TCN2: variants seen among roughly 807,000 people sequenced by gnomAD.
The protein encoded by TCN2 is transcobalamin 2, also known as transcobalamin-2.
In TCN2, 34 loss-of-function variants were observed where a neutral mutation model predicts 48.6. That is an observed-to-expected ratio of 0.70 (90% confidence interval 0.53 to 0.93). The LOEUF is 0.93. Ranked by LOEUF, TCN2 falls within the 40% of genes least tolerant of loss-of-function variation. The pLI is 0.00. For synonymous variants in TCN2, 283 were observed against 212.5 expected (o/e 1.33, Z -2.89); for missense variants, 652 against 526.1 (o/e 1.24, Z -2.34).
At chr22:30,609,081 T>C (rs2087497423) in intron 1 of TCN2, among the ~76,000 whole-genome samples, 1 of 151,984 alleles carries the variant, frequency 6.6e-6, no homozygotes, top group South Asian at 2.1e-4. Context: ...TCTATATGTA[T>C]GTTGTGAAAT....
intron 7 of TCN2, among the ~76,000 whole-genome samples, chr22:30,622,645 T>A (rs2087715871): frequency 6.6e-6 from 1 of 152,232 alleles, no homozygotes; most frequent in Non-Finnish European, 1.5e-5. Flanking sequence ...CACCAGCAGC[T>A]TCTGATTCTC....
At position 30,615,348 on chromosome 22, in the gene TCN2, A is replaced by G. The variant is rs1436133751; in HGVS notation, c.628A>G (p.Asn210Asp). 3 of 1,614,154 alleles carry G rather than the reference A, an allele frequency of 1.9e-6. No homozygotes were observed. The South Asian group carries it at 3.3e-5, about 18-fold the overall frequency. Residue 210 changes from asparagine (N) to aspartate (D), a missense_variant, in exon 5 of 9, where the codon AAC (asparagine) becomes GAC (aspartate). Transcript: ENST00000215838. ...GGCATTCACCTGTCTGAAGCGCTCA[A>G]ACTTCAACCCTGGTCGGAGACAACG... ...GLAFTCLKRS[N>D]FNPGRRQRIT...
chr22:30,614,640 G>A, intron 4 of TCN2, 139 bp downstream of exon 4: 1 of 1,296,836 alleles, frequency 7.7e-7, no homozygotes, highest in Non-Finnish European at 1.1e-6. Flanking sequence ...GGACGAATTG[G>A]CGAGGGCTCA....
At position 30,612,918 on chromosome 22, in the gene TCN2, C is replaced by G. The variant is rs763148849; in HGVS notation, c.303C>G (p.Ser101=). 1.1e-5 allele frequency: 17 copies of G among 1,614,046 alleles called. No homozygotes were observed. In the South Asian group the frequency reaches 1.1e-4, roughly 10 times the overall value. ...ACGGTGACTGCCAGGGCAAGCCTTC[C>G]ATGGGCCAGCTGGCCCTCTACCTGC... is the stretch of plus-strand genomic sequence containing the variant. ...EDDGDCQGKP[S]MGQLALYLLA... Residue 101 remains serine (S), a synonymous_variant, in exon 3 of 9, where the codon TCC becomes TCG. Transcript: ENST00000215838.
chr22:30,620,842 T>C (rs2087686588), intron 7 of TCN2, among the ~76,000 whole-genome samples: 1 of 152,124 alleles, frequency 6.6e-6, no homozygotes, highest in African/African-American at 2.4e-5. Flanking sequence ...CAGAGAAAGC[T>C]CAACTGCAGA....
chr22:30,614,745 CTAAAAA>C (rs373604263), intron 4 of TCN2, among the ~76,000 whole-genome samples: 142 of 152,212 alleles, frequency 9.3e-4, no homozygotes, highest in Middle Eastern at 6.8e-3. Flanking sequence ...CCCATCTCTA[CTAAAAA>C]TAAAAAAGTT....
At chr22:30,622,548 GTC>G (rs1179932730) in intron 7 of TCN2, among the ~76,000 whole-genome samples, 2 of 152,146 alleles carry the variant, frequency 1.3e-5, no homozygotes, top group Non-Finnish European at 2.9e-5. Flanking sequence ...ACTGCCAGGT[GTC>G]TCTGCCTCCA....
chr22:30,626,590 T>C lies in TCN2; in HGVS notation c.*69T>C, dbSNP rs551706126. On this transcript the variant is annotated 3_prime_UTR_variant, in exon 9 of 9. Transcript: ENST00000215838. ...CTTCTACCCTCCCTCCTGATGTCCC[T>C]GGAACAGGAACTCGCCTGACCCTGC... 71 of 1,565,686 alleles carry C rather than the reference T, an allele frequency of 4.5e-5. 1 individual carries two copies. The South Asian group carries it at 7.5e-4, about 17-fold the overall frequency.
At chr22:30,623,365 A>G (rs1485465799) in intron 8 of TCN2, 2 of 353,418 alleles carry the variant, frequency 5.7e-6, no homozygotes, top group Admixed American at 4.3e-5. Flanking sequence ...AACGTCTTTT[A>G]TTTTGAGATG....
intron 7 of TCN2, among the ~76,000 whole-genome samples, chr22:30,621,985 AGTTT>A (rs1300002866): frequency 6.6e-6 from 1 of 151,718 alleles, no homozygotes; most frequent in Non-Finnish European, 1.5e-5. Flanking sequence ...TGGCCCACGG[AGTTT>A]GTTTTGTTTT....
At chr22:30,614,276 G>A (rs1436307534) in intron 3 of TCN2, 73 bp from the exon 4 acceptor site, 1 of 1,586,752 alleles carries the variant, frequency 6.3e-7, no homozygotes, top group Non-Finnish European at 8.6e-7. Flanking sequence ...TGCAGGCCAG[G>A]GTCCCAGGTG....
intron 8 of TCN2, among the ~76,000 whole-genome samples, chr22:30,624,325 C>T (rs929372890): frequency 2.6e-5 from 4 of 152,036 alleles, no homozygotes; most frequent in Middle Eastern, 3.4e-3. Context: ...CTGCCTGCCT[C>T]AGCCTCCCAA....
intron 8 of TCN2, among the ~76,000 whole-genome samples, chr22:30,625,677 T>G (rs989580767): frequency 1.3e-5 from 2 of 152,172 alleles, no homozygotes; most frequent in Admixed American, 6.6e-5. Context: ...TTGCATAGGC[T>G]GGTCTCGAAC....
At chr22:30,607,851 A>T (rs1409612571) in intron 1 of TCN2, among the ~76,000 whole-genome samples, 2 of 151,944 alleles carry the variant, frequency 1.3e-5, no homozygotes, top group Non-Finnish European at 1.5e-5. Flanking sequence ...ACATAGGGAG[A>T]CCCCATCTCT....
At chr22:30,617,227 G>A in intron 6 of TCN2, 103 bp from the exon 7 acceptor site, 1 of 1,504,902 alleles carries the variant, frequency 6.6e-7, no homozygotes, top group African/African-American at 1.4e-5. Context: ...ATGAGGACAT[G>A]GGGAAGGACA....
At chr22:30,619,982 C>T (rs972123778) in intron 7 of TCN2, among the ~76,000 whole-genome samples, 1 of 152,016 alleles carries the variant, frequency 6.6e-6, no homozygotes, top group Non-Finnish European at 1.5e-5. Context: ...AGTGAGACTG[C>T]CATCTCTTCA....
intron 1 of TCN2, among the ~76,000 whole-genome samples, 163 bp from the exon 2 acceptor site, chr22:30,610,708 C>T (rs2087524453): frequency 6.6e-6 from 1 of 152,232 alleles, no homozygotes; most frequent in African/African-American, 2.4e-5. Flanking sequence ...TCTCCTCCCA[C>T]TGCCTTTCAG....
At position 30,615,485 on chromosome 22, in the gene TCN2, A is replaced by G. The variant is rs747459345; in HGVS notation, c.753+12A>G. 1 of 1,613,770 alleles carries G rather than the reference A, an allele frequency of 6.2e-7. No homozygotes were observed. Among genetic ancestry groups the G allele is most frequent in the Non-Finnish European group, 8.5e-7 (1 of 1,179,904 alleles). On this transcript the variant is annotated intron_variant, in intron 5 of 8. Coordinates refer to ENST00000215838, the MANE Select transcript of TCN2 (RefSeq NM_000355.4). Reference sequence around the variant, plus strand: ...CATTGGCATTACAGGTGGGAAAGAGACCCTGGAGCCATGGCCACCCTGGGG... The same window carrying G: ...CATTGGCATTACAGGTGGGAAAGAGGCCCTGGAGCCATGGCCACCCTGGGG...
chr22:30,626,533 C>G lies in TCN2; in HGVS notation c.*12C>G. 3 of 1,613,992 alleles carry G rather than the reference C, an allele frequency of 1.9e-6. No homozygotes were observed. The highest frequency in any genetic ancestry group is 2.5e-6 in the Non-Finnish European group (3 of 1,179,994). ...TGGTTAGCTGGTAGCCCCTGAGCTC[C>G]CTCATCCCAGCAGCCTCGCACACTC... On this transcript the variant is annotated 3_prime_UTR_variant, in exon 9 of 9. Coordinates refer to ENST00000215838, the MANE Select transcript of TCN2 (RefSeq NM_000355.4).
Sources: gnomAD v4.1 joint callset for allele counts (sites outside exome capture counted in the v4.1 genomes callset) on GRCh38, gnomAD v4.1.1 for gene constraint, MANE v1.5 for transcripts, NCBI Gene and HGNC (gene_info 2026-07-23, HGNC 2026-07-21) for gene names.